C10orf67: variants seen among roughly 807,000 people sequenced by gnomAD.
C10orf67 encodes the protein chromosome 10 open reading frame 67.
C10orf67 carries 60 observed loss-of-function variants against 35.6 expected under a neutral mutation model. The observed-to-expected ratio is 1.68, with a 90% CI of 1.37 to 2.09. C10orf67 has a LOEUF of 2.09. Ranked by LOEUF, C10orf67 falls within the 30% of genes most tolerant of loss-of-function variation. C10orf67 has a pLI of 0.00. For synonymous variants in C10orf67, 167 were observed against 115.8 expected (o/e 1.44, Z -2.84); for missense variants, 474 against 330.2 (o/e 1.44, Z -3.38).
intron 4 of C10orf67, among the ~76,000 whole-genome samples, chr10:23,307,439 G>C (rs1844329423): frequency 6.6e-6 from 1 of 151,934 alleles, no homozygotes; most frequent in South Asian, 2.1e-4. Context: ...AGCAGACTAA[G>C]AAGAATAATA....
chr10:23,254,118 T>C (rs1175908907), intron 10 of C10orf67, among the ~76,000 whole-genome samples: 9 of 152,220 alleles, frequency 5.9e-5, no homozygotes, highest in Non-Finnish European at 1.3e-4. Context: ...TGAGTGTTAA[T>C]ATTAAAATAA....
chr10:23,315,386 A>T (rs1380075711), intron 4 of C10orf67, among the ~76,000 whole-genome samples: 1 of 152,184 alleles, frequency 6.6e-6, no homozygotes, highest in African/African-American at 2.4e-5. Context: ...AATGTCCCAG[A>T]AATTGTAGAA....
At chr10:23,320,690 C>A in intron 4 of C10orf67, 51 bp downstream of exon 4, 1 of 1,386,622 alleles carries the variant, frequency 7.2e-7, no homozygotes, top group Non-Finnish European at 1.0e-6. Context: ...TTGCACACAG[C>A]AGCTGAAGCT....
intron 4 of C10orf67, among the ~76,000 whole-genome samples, chr10:23,310,353 G>T (rs981022126): frequency 6.6e-6 from 1 of 152,234 alleles, no homozygotes; most frequent in Non-Finnish European, 1.5e-5. Context: ...GCAGTCTGCA[G>T]TGGAGGAGAA....
chr10:23,305,595 A>T (rs965278868), intron 4 of C10orf67, among the ~76,000 whole-genome samples: 1 of 152,258 alleles, frequency 6.6e-6, no homozygotes, highest in African/African-American at 2.4e-5. Flanking sequence ...GGAAGATGCA[A>T]ATCAAAACTA....
At chr10:23,241,239 T>C (rs1842168612) in intron 12 of C10orf67, among the ~76,000 whole-genome samples, 1 of 152,250 alleles carries the variant, frequency 6.6e-6, no homozygotes, top group Non-Finnish European at 1.5e-5. Flanking sequence ...CCTTTCGCAC[T>C]ATTGTATTTG....
At chr10:23,221,306 G>T (rs1383862974) in intron 15 of C10orf67, among the ~76,000 whole-genome samples, 2 of 152,132 alleles carry the variant, frequency 1.3e-5, no homozygotes, top group East Asian at 3.9e-4. Flanking sequence ...AGCATGAGAA[G>T]AGTAAGGGGG....
intron 13 of C10orf67, among the ~76,000 whole-genome samples, chr10:23,232,467 G>C (rs1163239241): frequency 2.6e-5 from 4 of 152,210 alleles, no homozygotes; most frequent in African/African-American, 9.6e-5. Context: ...AACAGAACAA[G>C]AATGTAGAGC....
At chr10:23,278,120 G>C (rs1263945015) in intron 8 of C10orf67, among the ~76,000 whole-genome samples, 2 of 152,142 alleles carry the variant, frequency 1.3e-5, no homozygotes, top group Non-Finnish European at 2.9e-5. Context: ...CTCCCATGAG[G>C]CCCCCACTCC....
At chr10:23,310,332 C>T (rs570036496) in intron 4 of C10orf67, among the ~76,000 whole-genome samples, 27 of 152,336 alleles carry the variant, frequency 1.8e-4, no homozygotes, top group Admixed American at 1.4e-3. Flanking sequence ...CTCTGGCCCC[C>T]CTTAGATTTG....
chr10:23,218,850 A>G (rs1162193624), intron 15 of C10orf67, among the ~76,000 whole-genome samples: 1 of 152,220 alleles, frequency 6.6e-6, no homozygotes. Context: ...TTGAATATGA[A>G]TCTGAAAACC....
intron 8 of C10orf67, among the ~76,000 whole-genome samples, chr10:23,268,150 C>A (rs1564480702): frequency 2.0e-5 from 3 of 151,882 alleles, no homozygotes; most frequent in African/African-American, 7.3e-5. Flanking sequence ...TAAAAATTAC[C>A]CAGGTGTGGT....
At chr10:23,343,844 C>A (rs1440207862) in intron 1 of C10orf67, 2 of 449,336 alleles carry the variant, frequency 4.5e-6, no homozygotes, top group Non-Finnish European at 9.2e-6. Flanking sequence ...AGGCGTTGAG[C>A]GAGGGCCGGG....
chr10:23,338,915 T>C (rs1472518396), intron 1 of C10orf67, among the ~76,000 whole-genome samples: 1 of 152,102 alleles, frequency 6.6e-6, no homozygotes, highest in Non-Finnish European at 1.5e-5. Flanking sequence ...CCAGCAATAT[T>C]TGGGAGAAGC....
At position 23,304,598 on chromosome 10, in the gene C10orf67, TTC is replaced by T. The variant is rs754608181; in HGVS notation, c.547-1141_547-1140del. On this transcript the variant is annotated intron_variant, in intron 4 of 15. Transcript: ENST00000636213. ...CAGGAGCCTGGCAGGAGGCACACCT[TTC>T]TATGTCTCTGGAGGCATGTCTGCAG... 8.0e-4 allele frequency among the ~76,000 whole-genome samples: 122 copies of T among 152,110 alleles called. 1 individual carries two copies. Among genetic ancestry groups the T allele is most frequent in the Non-Finnish European group, 1.6e-3 (110 of 67,974 alleles).
chr10:23,245,684 A>G (rs982759153), intron 12 of C10orf67, among the ~76,000 whole-genome samples: 9 of 152,222 alleles, frequency 5.9e-5, no homozygotes, highest in Non-Finnish European at 1.3e-4. Context: ...AATGGCTACT[A>G]TCAGAAAGAC....
intron 2 of C10orf67, among the ~76,000 whole-genome samples, chr10:23,331,648 G>A (rs547431678): frequency 3.0e-4 from 43 of 142,244 alleles, no homozygotes; most frequent in Non-Finnish European, 5.7e-4. Context: ...GGGAAGGGAA[G>A]AAGGGAAGGG....
At chr10:23,264,139 G>C (rs1399063791) in intron 10 of C10orf67, among the ~76,000 whole-genome samples, 1 of 152,162 alleles carries the variant, frequency 6.6e-6, no homozygotes, top group African/African-American at 2.4e-5. Context: ...AAGAGGTCCA[G>C]CTACCTCCAT....
At chr10:23,229,472 T>A (rs1036100898) in intron 13 of C10orf67, among the ~76,000 whole-genome samples, 5 of 147,344 alleles carry the variant, frequency 3.4e-5, no homozygotes, top group Non-Finnish European at 6.0e-5. Context: ...TTAGGAGATA[T>A]ACCTAATGTA....
Sources: gnomAD v4.1 joint callset for allele counts (sites outside exome capture counted in the v4.1 genomes callset) on GRCh38, gnomAD v4.1.1 for gene constraint, MANE v1.5 for transcripts, NCBI Gene and HGNC (gene_info 2026-07-23, HGNC 2026-07-21) for gene names.